Variants in EIF2AK2 observed in about 807,000 individuals in gnomAD.
EIF2AK2 encodes the protein eukaryotic translation initiation factor 2 alpha kinase 2, also known as interferon-induced, double-stranded RNA-activated protein kinase.
In EIF2AK2, 40 loss-of-function variants were observed where a neutral mutation model predicts 70.5. The observed-to-expected ratio is 0.57, with a 90% CI of 0.44 to 0.74. EIF2AK2 has a LOEUF of 0.74. Ranked by LOEUF, EIF2AK2 falls within the 30% of genes least tolerant of loss-of-function variation. The pLI is 0.00. For synonymous variants in EIF2AK2, 198 were observed against 220.9 expected (o/e 0.90, Z 0.92); for missense variants, 555 against 644.3 (o/e 0.86, Z 1.50).
intron 2 of EIF2AK2, chr2:37,148,391 T>C (rs2148713596): frequency 3.1e-6 from 1 of 320,152 alleles, no homozygotes; most frequent in Non-Finnish European, 5.9e-6. Flanking sequence ...GGCTGGGAAA[T>C]GAACGGGCAG....
chr2:37,114,662 G>C, intron 14 of EIF2AK2, 69 bp downstream of exon 14: 1 of 1,367,734 alleles, frequency 7.3e-7, no homozygotes, highest in Non-Finnish European at 9.6e-7. Flanking sequence ...TATATAAGTA[G>C]TGTCTACTCT....
chr2:37,119,708 C>CA (rs1020372723), intron 13 of EIF2AK2, among the ~76,000 whole-genome samples: 17 of 151,522 alleles, frequency 1.1e-4, no homozygotes, highest in Non-Finnish European at 5.9e-5. Context: ...TCTCCTGCCT[C>CA]AGCCTCCCGA....
Position 37,135,483 on chromosome 2 carries a change from C to A in EIF2AK2, c.785+1G>T. 2 of 1,601,292 alleles carry A rather than the reference C, an allele frequency of 1.2e-6. No homozygotes were observed. Among genetic ancestry groups the A allele is most frequent in the Non-Finnish European group, 1.7e-6 (2 of 1,175,656 alleles). ...TCTTTCTTCAGCACTTAAAATCTTA[C>A]CTCTTGTCCACAGTATACTTTGTTT... On this transcript the variant is annotated splice_donor_variant, in intron 10 of 16. Coordinates refer to ENST00000233057, the MANE Select transcript of EIF2AK2 (RefSeq NM_001135651.3). LOFTEE classifies it high-confidence loss of function.
intron 12 of EIF2AK2, 85 bp from the exon 13 acceptor site, chr2:37,120,224 T>G (rs938068071): frequency 7.9e-5 from 75 of 952,672 alleles, no homozygotes; most frequent in Non-Finnish European, 9.9e-5. Flanking sequence ...AAGTTTTTCA[T>G]AACTTTTTAA....
At chr2:37,128,667 T>C (rs778094255) in intron 10 of EIF2AK2, among the ~76,000 whole-genome samples, 12 of 152,202 alleles carry the variant, frequency 7.9e-5, no homozygotes, top group Non-Finnish European at 1.2e-4. Context: ...AGTTCCATCT[T>C]TGACAGAACA....
rs139561891 is a variant in EIF2AK2 at position 37,101,370 on chromosome 2, C to G, written c.*5903G>C. 24 of 152,174 alleles carry G rather than the reference C, an allele frequency of 1.6e-4. No homozygotes were observed. The East Asian group carries it at 4.6e-3, about 29-fold the overall frequency. The allele number at this position is 152,174 out of a possible 1,614,324, so 9.4% of individuals were successfully genotyped here. A position where few individuals can be genotyped will look rare whatever the true frequency, so the allele number is the denominator to read the frequency against. ...AACCAGAAAATCACTATTTTACAAC[C>G]CCTGAAATGAAATAATGGATCCAGG... On this transcript the variant is annotated 3_prime_UTR_variant, in exon 17 of 17. Coordinates refer to ENST00000233057, the MANE Select transcript of EIF2AK2 (RefSeq NM_001135651.3).
Position 37,136,777 on chromosome 2 carries a change from A to T in EIF2AK2, c.722+206T>A. 7.6e-6 allele frequency: 3 copies of T among 394,346 alleles called. No homozygotes were observed. The South Asian group carries it at 1.4e-4, about 18-fold the overall frequency. The allele number at this position is 394,346 out of a possible 1,614,324, so 24.4% of individuals were successfully genotyped here. On this transcript the variant is annotated intron_variant, in intron 9 of 16. Transcript: ENST00000233057. ...CTAATTACTCTAGCGATACCCCCAA[A>T]GTGCTTTATGTTTACAGTGTAGCAT...
chr2:37,120,197 T>C, intron 12 of EIF2AK2, 58 bp from the exon 13 acceptor site: 1 of 1,118,306 alleles, frequency 8.9e-7, no homozygotes, highest in Non-Finnish European at 1.1e-6. Flanking sequence ...TTATAAAAAA[T>C]TTTTTATAAC....
chr2:37,140,524 C>T (rs1026478408), intron 5 of EIF2AK2, among the ~76,000 whole-genome samples: 3 of 151,998 alleles, frequency 2.0e-5, no homozygotes, highest in African/African-American at 7.2e-5. Flanking sequence ...GGTGAGTCTT[C>T]CCCGCTAGAC....
chr2:37,150,574 T>C (rs1323987179), intron 1 of EIF2AK2, among the ~76,000 whole-genome samples: 1 of 152,194 alleles, frequency 6.6e-6, no homozygotes, highest in East Asian at 1.9e-4. Flanking sequence ...CACAGTACCA[T>C]GCAAAATGAG....
chr2:37,156,010 G>A (rs550888143), intron 1 of EIF2AK2, among the ~76,000 whole-genome samples: 2 of 152,126 alleles, frequency 1.3e-5, no homozygotes, highest in South Asian at 4.1e-4. Flanking sequence ...GACAACCGAA[G>A]TAGTGGAAGG....
chr2:37,111,053 A>C (rs927950973), intron 14 of EIF2AK2, among the ~76,000 whole-genome samples: 4 of 152,250 alleles, frequency 2.6e-5, no homozygotes, highest in African/African-American at 9.6e-5. Flanking sequence ...CCAGTAACAA[A>C]AGGGTAAATA....
chr2:37,104,750 T>C lies in EIF2AK2; in HGVS notation c.*2523A>G, dbSNP rs1673913657. On this transcript the variant is annotated 3_prime_UTR_variant, in exon 17 of 17. Coordinates refer to ENST00000233057, the MANE Select transcript of EIF2AK2 (RefSeq NM_001135651.3). ...TTTTGAGAAGCCCAAGTCAATCATCTTATAGAATGACTACATTCAGGATTT... is the reference window on the plus strand; with the variant it reads ...TTTTGAGAAGCCCAAGTCAATCATCCTATAGAATGACTACATTCAGGATTT... 1 of 152,136 alleles carries C rather than the reference T, an allele frequency of 6.6e-6. No individual in the cohort carries two copies. 9.4% of individuals were successfully genotyped at this position (152,136 alleles called of 1,614,324 possible).
chr2:37,107,627 G>C, intron 15 of EIF2AK2, 100 bp from the exon 16 acceptor site: 1 of 1,362,016 alleles, frequency 7.3e-7, no homozygotes, highest in Non-Finnish European at 1.0e-6. Context: ...GATATTTCCA[G>C]ATTTTTTGGG....
intron 10 of EIF2AK2, among the ~76,000 whole-genome samples, chr2:37,133,438 A>C (rs1675017434): frequency 6.6e-6 from 1 of 152,142 alleles, no homozygotes; most frequent in Non-Finnish European, 1.5e-5. Context: ...TACAGTCAGG[A>C]AACTGGGTTC....
chr2:37,114,213 T>C (rs1363057544), intron 14 of EIF2AK2, among the ~76,000 whole-genome samples: 3 of 152,068 alleles, frequency 2.0e-5, no homozygotes, highest in Non-Finnish European at 2.9e-5. Context: ...GGTGGGAAGA[T>C]TGCTTGAGCC....
At chr2:37,127,520 G>T (rs186250624) in intron 10 of EIF2AK2, among the ~76,000 whole-genome samples, 5 of 152,064 alleles carry the variant, frequency 3.3e-5, no homozygotes. Flanking sequence ...TGCACTCAAA[G>T]CACACACTCT....
rs769967437 is a variant in EIF2AK2 at position 37,138,568 on chromosome 2, G to A, written c.534C>T (p.Ser178=). 1 of 1,614,038 alleles carries A rather than the reference G, an allele frequency of 6.2e-7. No homozygotes were observed. The highest frequency in any genetic ancestry group is 2.2e-5 in the East Asian group (1 of 44,858). The change falls in exon 7 of 17, where the codon TCC becomes TCT. Residue 178 remains serine, a synonymous_variant. Transcript: ENST00000233057. ...CACACGTAGTAGCAAAAGAACCAGA[G>A]GACAGGTAGTCAGATTTCTGAAAGA... ...EETSVKSDYL[S]SGSFATTCES...
intron 3 of EIF2AK2, 82 bp from the exon 4 acceptor site, chr2:37,147,055 C>A: frequency 7.6e-7 from 1 of 1,307,450 alleles, no homozygotes; most frequent in Non-Finnish European, 1.0e-6. Context: ...TCACTACCTC[C>A]TATGACTACC....
Sources: allele counts gnomAD v4.1 joint callset (sites outside exome capture counted in the v4.1 genomes callset), GRCh38; gene constraint gnomAD v4.1.1; transcripts MANE v1.5; gene names NCBI Gene and HGNC (gene_info 2026-07-23, HGNC 2026-07-21).